Variants in ELMO1 observed in about 807,000 individuals in gnomAD.
ELMO1 encodes the protein engulfment and cell motility 1.
Under a neutral mutation model 98.9 loss-of-function variants are expected in ELMO1, and 26 were observed. The observed-to-expected ratio is 0.26, with a 90% CI of 0.19 to 0.36. The LOEUF is 0.36. ELMO1 is among the 10% of genes least tolerant of loss of function. The pLI, the probability that ELMO1 is intolerant of heterozygous loss-of-function variation, is 1.00. For synonymous variants in ELMO1, 346 were observed against 346.0 expected (o/e 1.00, Z 0.00); for missense variants, 627 against 935.2 (o/e 0.67, Z 4.30).
At chr7:37,210,590 C>T (rs1384312265) in intron 13 of ELMO1, among the ~76,000 whole-genome samples, 1 of 150,808 alleles carries the variant, frequency 6.6e-6, no homozygotes, top group Admixed American at 6.6e-5. Flanking sequence ...TATATATATA[C>T]ACACACAGAC....
At chr7:37,409,838 T>C (rs555720149) in intron 1 of ELMO1, among the ~76,000 whole-genome samples, 14 of 152,316 alleles carry the variant, frequency 9.2e-5, no homozygotes, top group Admixed American at 7.8e-4. Flanking sequence ...ATAAACCCTA[T>C]TGCTAGATGG....
chr7:37,419,512 A>C (rs1434086129), intron 1 of ELMO1: 1 of 152,242 alleles, frequency 6.6e-6, no homozygotes, highest in African/African-American at 2.4e-5. Flanking sequence ...TGGAAACAGT[A>C]AAATGTTAGG....
intron 15 of ELMO1, among the ~76,000 whole-genome samples, chr7:37,078,645 G>C (rs1049850561): frequency 1.3e-5 from 2 of 152,088 alleles, no homozygotes; most frequent in African/African-American, 4.8e-5. Context: ...ATTTGACATA[G>C]AACTTCTTCT....
intron 15 of ELMO1, among the ~76,000 whole-genome samples, chr7:37,091,658 C>T (rs1208274624): frequency 6.6e-6 from 1 of 152,030 alleles, no homozygotes; most frequent in African/African-American, 2.4e-5. Flanking sequence ...TGAAGACTTG[C>T]TCCTTTCTTG....
chr7:37,098,311 C>A (rs1010437290), intron 14 of ELMO1, among the ~76,000 whole-genome samples: 1 of 152,154 alleles, frequency 6.6e-6, no homozygotes, highest in Non-Finnish European at 1.5e-5. Context: ...AGGGCCCTGA[C>A]CTCATTAAGC....
intron 2 of ELMO1, among the ~76,000 whole-genome samples, chr7:37,323,956 A>G (rs1358312936): frequency 6.6e-6 from 1 of 152,064 alleles, no homozygotes; most frequent in Non-Finnish European, 1.5e-5. Context: ...AAAAAATATG[A>G]TCACTCTCTC....
chr7:37,082,084 T>C (rs950000563), intron 15 of ELMO1, among the ~76,000 whole-genome samples: 2 of 152,196 alleles, frequency 1.3e-5, no homozygotes, highest in East Asian at 1.9e-4. Context: ...GAAATGTTAA[T>C]AGCATTTGCA....
intron 1 of ELMO1, among the ~76,000 whole-genome samples, chr7:37,418,512 G>A (rs1804327989): frequency 6.6e-6 from 1 of 152,182 alleles, no homozygotes; most frequent in Non-Finnish European, 1.5e-5. Flanking sequence ...TCCAGAATCT[G>A]GAACTGGATC....
intron 8 of ELMO1, among the ~76,000 whole-genome samples, chr7:37,227,543 G>A (rs1165136002): frequency 1.3e-5 from 2 of 151,856 alleles, no homozygotes; most frequent in African/African-American, 4.8e-5. Flanking sequence ...GCACCACCAC[G>A]CCAAGCTAAT....
At chr7:37,214,948 C>T (rs897724450) in intron 11 of ELMO1, among the ~76,000 whole-genome samples, 1 of 152,216 alleles carries the variant, frequency 6.6e-6, no homozygotes, top group Non-Finnish European at 1.5e-5. Context: ...CTAACCCTGA[C>T]TCCCACATCA....
At chr7:37,070,766 C>A (rs963253926) in intron 15 of ELMO1, among the ~76,000 whole-genome samples, 6 of 152,134 alleles carry the variant, frequency 3.9e-5, no homozygotes, top group African/African-American at 1.4e-4. Context: ...ACTAACCACA[C>A]CTGGATTAAT....
At chr7:36,927,662 T>C (rs966653668) in intron 16 of ELMO1, among the ~76,000 whole-genome samples, 6 of 152,218 alleles carry the variant, frequency 3.9e-5, no homozygotes, top group African/African-American at 1.2e-4. Flanking sequence ...AGTGGTTCCA[T>C]ACTCAGCCTT....
intron 19 of ELMO1, among the ~76,000 whole-genome samples, chr7:36,871,866 A>G (rs962130526): frequency 5.3e-5 from 8 of 152,210 alleles, no homozygotes; most frequent in Non-Finnish European, 1.0e-4. Context: ...CAGGTACCCT[A>G]AAATTACTAA....
intron 16 of ELMO1, among the ~76,000 whole-genome samples, chr7:36,989,262 TAAC>T (rs760168483): frequency 1.4e-4 from 22 of 152,236 alleles, no homozygotes; most frequent in African/African-American, 2.6e-4. Flanking sequence ...TTGACTGAAA[TAAC>T]AACAACAACA....
At chr7:37,090,410 C>T (rs1319770699) in intron 15 of ELMO1, among the ~76,000 whole-genome samples, 1 of 152,160 alleles carries the variant, frequency 6.6e-6, no homozygotes, top group Non-Finnish European at 1.5e-5. Flanking sequence ...TTATTAAAAT[C>T]CTTCTATTGG....
chr7:37,264,378 C>T (rs910075253), intron 5 of ELMO1, among the ~76,000 whole-genome samples: 28 of 152,070 alleles, frequency 1.8e-4, no homozygotes, highest in Non-Finnish European at 2.9e-5. Context: ...CATTTGCATA[C>T]AAATGGTCAA....
intron 14 of ELMO1, 190 bp downstream of exon 14, chr7:37,132,938 TAA>T (rs1787026668): frequency 5.1e-6 from 2 of 394,194 alleles, no homozygotes; most frequent in Non-Finnish European, 8.9e-6. Context: ...ATAAAAAAAT[TAA>T]AAGTTAAAAT....
chr7:36,869,213 T>C (rs1214965851), intron 20 of ELMO1, among the ~76,000 whole-genome samples: 2 of 151,780 alleles, frequency 1.3e-5, no homozygotes, highest in Non-Finnish European at 2.9e-5. Flanking sequence ...GCCAATCAAA[T>C]GCATTACATG....
chr7:37,278,161 C>G (rs1796951836), intron 4 of ELMO1, among the ~76,000 whole-genome samples: 2 of 256 alleles, frequency 7.8e-3, no homozygotes, highest in Admixed American at 0.045. Context: ...TGGTGTGGTA[C>G]TGGGTGGCCC....
Sources: allele counts gnomAD v4.1 joint callset (sites outside exome capture counted in the v4.1 genomes callset), GRCh38; gene constraint gnomAD v4.1.1; transcripts MANE v1.5; gene names NCBI Gene and HGNC (gene_info 2026-07-23, HGNC 2026-07-21).